ANTXR1: variants seen among roughly 807,000 people sequenced by gnomAD.
ANTXR1 encodes the protein anthrax toxin receptor 1.
A neutral mutation model predicts 78.1 loss-of-function variants in ANTXR1; 19 were observed. The observed-to-expected ratio is 0.24, with a 90% CI of 0.17 to 0.36. ANTXR1 has a LOEUF of 0.36. ANTXR1 is among the 10% of genes least tolerant of loss of function. The pLI, the probability that ANTXR1 is intolerant of heterozygous loss-of-function variation, is 1.00. For synonymous variants in ANTXR1, 273 were observed against 260.5 expected, an observed-to-expected ratio of 1.05 and a Z score of -0.46; for missense variants, 518 against 718.6, an observed-to-expected ratio of 0.72 and a Z score of 3.19.
chr2:69,103,217 C>T (rs62133510), intron 10 of ANTXR1: 5 of 470,856 alleles, frequency 1.1e-5, no homozygotes, highest in Admixed American at 3.3e-5. Context: ...GCCACAAGCC[C>T]CAGCCCTGCA....
intron 14 of ANTXR1, among the ~76,000 whole-genome samples, chr2:69,176,226 T>C (rs1001833059): frequency 6.6e-6 from 1 of 152,152 alleles, no homozygotes; most frequent in African/African-American, 2.4e-5. Flanking sequence ...TATTCTTTAC[T>C]GAAGAATACA....
At chr2:69,057,602 G>C (rs577593521) in intron 3 of ANTXR1, among the ~76,000 whole-genome samples, 3 of 152,242 alleles carry the variant, frequency 2.0e-5, no homozygotes, top group East Asian at 1.9e-4. Flanking sequence ...CCATCAACCA[G>C]CTCTTCCTCC....
intron 17 of ANTXR1, among the ~76,000 whole-genome samples, chr2:69,209,428 A>G (rs6546489): frequency 0.56 from 85,414 of 152,136 alleles, 24,467 homozygotes; most frequent in East Asian, 0.9. Flanking sequence ...GCTGATAAAC[A>G]GAGGAACTAG....
chr2:69,109,686 A>G (rs867856504), intron 10 of ANTXR1, among the ~76,000 whole-genome samples: 1 of 152,246 alleles, frequency 6.6e-6, no homozygotes, highest in African/African-American at 2.4e-5. Context: ...CACACCTTTC[A>G]TCCAAACAAA....
intron 8 of ANTXR1, 73 bp from the exon 9 acceptor site, chr2:69,090,785 TA>T: frequency 6.6e-7 from 1 of 1,525,594 alleles, no homozygotes. Context: ...TCTCAGTAGC[TA>T]AAAGCAGAAC....
In ANTXR1 at chr2:69,044,723, A is replaced by C; in HGVS notation, c.225-19A>C. 1 of 1,613,256 alleles carries C rather than the reference A, an allele frequency of 6.2e-7. No homozygotes were observed. Among genetic ancestry groups the C allele is most frequent in the Non-Finnish European group, 8.5e-7 (1 of 1,179,368 alleles). On this transcript the variant is annotated intron_variant, in intron 2 of 17. Transcript: ENST00000303714. ...GCAGTCTTATTGTCTGTCCTAATAG[A>C]GCTTCTTTTCCTTTCCAGCCCACAG... is the stretch of plus-strand genomic sequence containing the variant.
chr2:69,177,245 A>T (rs1041687780), intron 14 of ANTXR1, among the ~76,000 whole-genome samples: 1 of 152,196 alleles, frequency 6.6e-6, no homozygotes, highest in African/African-American at 2.4e-5. Flanking sequence ...GGTAGAAGCA[A>T]TGGGAGAAGG....
chr2:69,181,714 A>T, intron 14 of ANTXR1, 72 bp from the exon 15 acceptor site: 3 of 1,398,448 alleles, frequency 2.1e-6, no homozygotes, highest in Non-Finnish European at 3.0e-6. Context: ...ACTCCTAATC[A>T]CTTGGCTGTA....
chr2:69,219,082 C>T (rs185623735), intron 17 of ANTXR1, among the ~76,000 whole-genome samples: 170 of 152,228 alleles, frequency 1.1e-3, no homozygotes, highest in Non-Finnish European at 2.1e-3. Flanking sequence ...AATTAAGCCA[C>T]GATAAGACCC....
rs112678191 is a variant in ANTXR1, at chr2:69,152,858, A to G, written c.1047+594A>G. 1.9e-4 allele frequency among the ~76,000 whole-genome samples: 29 copies of G among 152,240 alleles called. 1 individual carries two copies. The South Asian group carries it at 3.9e-3, about 21-fold the overall frequency. On this transcript the variant is annotated intron_variant, in intron 13 of 17. Transcript: ENST00000303714. ...ATCAATAAAAACCTGCCTCCTCCCC[A>G]TCAGTGTCATATGGAGTCATCACAT...
chr2:69,243,928 C>T (rs1408361754), intron 17 of ANTXR1, among the ~76,000 whole-genome samples: 3 of 152,232 alleles, frequency 2.0e-5, no homozygotes, highest in East Asian at 3.9e-4. Context: ...ATAAGATACC[C>T]CACAGGCATG....
intron 16 of ANTXR1, among the ~76,000 whole-genome samples, chr2:69,192,542 C>A (rs1261449445): frequency 6.6e-6 from 1 of 152,142 alleles, no homozygotes; most frequent in African/African-American, 2.4e-5. Context: ...TAGACTGAGC[C>A]CACCGGATAG....
chr2:69,088,594 C>A (rs1448515126), intron 8 of ANTXR1, among the ~76,000 whole-genome samples: 1 of 152,062 alleles, frequency 6.6e-6, no homozygotes, highest in Non-Finnish European at 1.5e-5. Context: ...GCTGAAGTAC[C>A]CCATCAAACA....
chr2:69,215,111 C>T (rs1675144248), intron 17 of ANTXR1, among the ~76,000 whole-genome samples: 1 of 152,188 alleles, frequency 6.6e-6, no homozygotes, highest in Non-Finnish European at 1.5e-5. Context: ...CAGGCTGCCT[C>T]CACTTTCTCA....
chr2:69,061,935 A>G (rs572932684), intron 3 of ANTXR1, among the ~76,000 whole-genome samples: 2 of 152,304 alleles, frequency 1.3e-5, no homozygotes, highest in South Asian at 4.1e-4. Context: ...TCCATGGTCA[A>G]CCAGAAAAGC....
chr2:69,127,430 C>G (rs969477524), intron 12 of ANTXR1, among the ~76,000 whole-genome samples: 4 of 151,768 alleles, frequency 2.6e-5, no homozygotes, highest in African/African-American at 9.7e-5. Flanking sequence ...GGCATCTCCA[C>G]GCCTGCTGCT....
At chr2:69,108,647 G>C (rs1208531200) in intron 10 of ANTXR1, among the ~76,000 whole-genome samples, 1 of 152,120 alleles carries the variant, frequency 6.6e-6, no homozygotes, top group Non-Finnish European at 1.5e-5. Flanking sequence ...AGGCCCCAGT[G>C]TGTGTTATTC....
At chr2:69,230,690 C>T (rs1675572309) in intron 17 of ANTXR1, among the ~76,000 whole-genome samples, 1 of 152,206 alleles carries the variant, frequency 6.6e-6, no homozygotes, top group Non-Finnish European at 1.5e-5. Context: ...ATAGGCTCAG[C>T]TTACACAAGT....
intron 1 of ANTXR1, among the ~76,000 whole-genome samples, chr2:69,021,358 T>G (rs1671183663): frequency 6.6e-6 from 1 of 152,164 alleles, no homozygotes; most frequent in Non-Finnish European, 1.5e-5. Context: ...TCAATCAAGG[T>G]AGGTCAGGTT....
Sources: allele counts gnomAD v4.1 joint callset (sites outside exome capture counted in the v4.1 genomes callset), GRCh38; gene constraint gnomAD v4.1.1; transcripts MANE v1.5; gene names NCBI Gene and HGNC (gene_info 2026-07-23, HGNC 2026-07-21).